DRC5: variants seen among roughly 807,000 people sequenced by gnomAD.
DRC5 encodes the protein dynein regulatory complex subunit 5, also known as T-complex-associated testis-expressed protein 1.
the DRC5 span, chr6:44,282,321 G>T: frequency 6.2e-7 from 1 of 1,614,226 alleles, no homozygotes; most frequent in Non-Finnish European, 8.5e-7. Context: ...AATGAGGTTG[G>T]TGTTGTGTGC....
At chr6:44,287,559 C>T in the DRC5 span, 76 of 1,607,900 alleles carry the variant, frequency 4.7e-5, no homozygotes, top group Non-Finnish European at 6.2e-5. Flanking sequence ...TCTGGAAGTT[C>T]CTGATAATGT....
chr6:44,286,204 G>A, the DRC5 span: 2 of 1,611,706 alleles, frequency 1.2e-6, no homozygotes, highest in Non-Finnish European at 1.7e-6. Context: ...GCTGGGCCGG[G>A]AGCTGCACCG....
the DRC5 span, among the ~76,000 whole-genome samples, chr6:44,291,987 G>C: frequency 6.8e-6 from 1 of 148,080 alleles, no homozygotes; most frequent in Non-Finnish European, 1.5e-5. Context: ...TGCTGCCTTA[G>C]CTCAGGGCCC....
chr6:44,292,177 C>T, the DRC5 span, among the ~76,000 whole-genome samples: 1 of 152,186 alleles, frequency 6.6e-6, no homozygotes, highest in Non-Finnish European at 1.5e-5. Flanking sequence ...TAAGGCCCTC[C>T]GTGGCTGGAC....
At chr6:44,291,208 G>GA in the DRC5 span, among the ~76,000 whole-genome samples, 10 of 152,120 alleles carry the variant, frequency 6.6e-5, no homozygotes, top group East Asian at 1.5e-3. Context: ...GGCAAATGTT[G>GA]AAAAAATTAA....
the DRC5 span, chr6:44,287,512 G>T: frequency 6.4e-7 from 1 of 1,571,436 alleles, no homozygotes; most frequent in South Asian, 1.2e-5. Context: ...CCCCCTCTTG[G>T]CCTTCTCCTG....
the DRC5 span, among the ~76,000 whole-genome samples, chr6:44,281,763 A>G: frequency 9.2e-5 from 14 of 152,238 alleles, no homozygotes; most frequent in Non-Finnish European, 1.6e-4. Flanking sequence ...TCAGGCTTTC[A>G]ATCAATCTTG....
chr6:44,286,951 G>C, the DRC5 span, among the ~76,000 whole-genome samples: 1 of 152,232 alleles, frequency 6.6e-6, no homozygotes, highest in African/African-American at 2.4e-5. Flanking sequence ...TATGTCCCAC[G>C]TGCTGGAGAT....
the DRC5 span, among the ~76,000 whole-genome samples, chr6:44,290,441 G>C: frequency 2.6e-5 from 4 of 152,300 alleles, no homozygotes; most frequent in Admixed American, 2.6e-4. Flanking sequence ...AGGCTGCAGA[G>C]ACCACATCCA....
the DRC5 span, among the ~76,000 whole-genome samples, chr6:44,289,537 G>A: frequency 6.6e-6 from 1 of 152,054 alleles, no homozygotes; most frequent in African/African-American, 2.4e-5. Context: ...AGAAAGGAGA[G>A]GGGAACAAGA....
the DRC5 span, among the ~76,000 whole-genome samples, chr6:44,297,143 C>CATCCTACCTGGGGTGTAGAGGCG: frequency 1.1e-4 from 16 of 152,220 alleles, no homozygotes; most frequent in Non-Finnish European, 4.4e-5. Flanking sequence ...GTCCCTCCCC[C>CATCCTACCTGGGGTGTAGAGGCG]ATCCTACCTG....
At chr6:44,295,045 C>T in the DRC5 span, among the ~76,000 whole-genome samples, 3 of 152,262 alleles carry the variant, frequency 2.0e-5, no homozygotes, top group South Asian at 4.1e-4. Flanking sequence ...CCCAAGGACC[C>T]ACAGAGGGCA....
the DRC5 span, chr6:44,280,300 C>T: frequency 4.2e-4 from 674 of 1,614,086 alleles, no homozygotes; most frequent in Non-Finnish European, 4.9e-4. Flanking sequence ...ATGAGGTACT[C>T]GCTTTCCTGG....
the DRC5 span, among the ~76,000 whole-genome samples, chr6:44,280,591 C>G: frequency 6.6e-6 from 1 of 152,216 alleles, no homozygotes; most frequent in African/African-American, 2.4e-5. Context: ...ACATCTCAAC[C>G]CTACTAGTTT....
the DRC5 span, chr6:44,287,414 G>A: frequency 2.0e-6 from 2 of 1,011,752 alleles, no homozygotes; most frequent in Admixed American, 5.6e-5. Context: ...GTGTTGAGTG[G>A]GTATGAGGAT....
chr6:44,287,737 G>A, the DRC5 span: 6 of 1,614,204 alleles, frequency 3.7e-6, no homozygotes, highest in South Asian at 5.5e-5. Flanking sequence ...TGTGCTTGAA[G>A]TGTGTCCTCC....
the DRC5 span, chr6:44,280,427 C>T: frequency 9.9e-6 from 15 of 1,519,590 alleles, no homozygotes; most frequent in African/African-American, 2.1e-4. Flanking sequence ...TCATTTACAT[C>T]ACTACCCAGG....
chr6:44,285,865 G>A, the DRC5 span: 6 of 1,167,270 alleles, frequency 5.1e-6, no homozygotes, highest in African/African-American at 1.5e-5. Context: ...GAAAGAGAAG[G>A]AAATAGGAAG....
chr6:44,283,983 C>G, the DRC5 span, among the ~76,000 whole-genome samples: 7 of 152,138 alleles, frequency 4.6e-5, no homozygotes, highest in African/African-American at 1.7e-4. Context: ...TACATTCATC[C>G]CCTTTCTTGC....
Sources: allele counts gnomAD v4.1 joint callset (sites outside exome capture counted in the v4.1 genomes callset), GRCh38; gene constraint gnomAD v4.1.1; transcripts MANE v1.5; gene names NCBI Gene and HGNC (gene_info 2026-07-23, HGNC 2026-07-21).